Variants in RGS6 observed in about 807,000 individuals in gnomAD.
The protein encoded by RGS6 is regulator of G protein signaling 6.
RGS6 carries 30 observed loss-of-function variants against 78.5 expected under a neutral mutation model. The ratio of observed to expected loss-of-function variants is 0.38; its 90% CI spans 0.29 to 0.52. The LOEUF is 0.52. RGS6 is among the 20% of genes least tolerant of loss of function. RGS6 has a pLI of 0.85. For missense variants in RGS6, 495 were observed against 609.7 expected, an observed-to-expected ratio of 0.81 and a Z score of 1.98; for synonymous variants, 206 against 206.0, an observed-to-expected ratio of 1.00 and a Z score of 0.00.
At chr14:72,572,028 C>G in the RGS6 span, among the ~76,000 whole-genome samples, 1 of 152,130 alleles carries the variant, frequency 6.6e-6, no homozygotes, top group Non-Finnish European at 1.5e-5. Flanking sequence ...GGAAGCTACA[C>G]AAATAACCAA....
At chr14:72,300,981 G>T (rs78405428) in intron 2 of RGS6, among the ~76,000 whole-genome samples, 96 of 152,158 alleles carry the variant, frequency 6.3e-4, no homozygotes, top group Non-Finnish European at 1.3e-3. Context: ...GTTGTAGTTC[G>T]CAGAACTTTA....
At chr14:72,358,260 T>C (rs1383337194) in intron 3 of RGS6, among the ~76,000 whole-genome samples, 2 of 152,200 alleles carry the variant, frequency 1.3e-5, no homozygotes, top group East Asian at 3.9e-4. Context: ...AATGTGGGGT[T>C]GGAGTCCCCA....
At chr14:72,473,929 G>A (rs2096162772) in intron 9 of RGS6, 1 of 152,066 alleles carries the variant, frequency 6.6e-6, no homozygotes. Flanking sequence ...CTGTCCTTGG[G>A]GCCATTTTAA....
At chr14:72,023,870 G>A (rs1183716293) in intron 2 of RGS6, among the ~76,000 whole-genome samples, 1 of 152,170 alleles carries the variant, frequency 6.6e-6, no homozygotes, top group Non-Finnish European at 1.5e-5. Context: ...GTAAGGGAGG[G>A]GATTTCACAG....
chr14:72,367,247 A>C (rs895849483), intron 3 of RGS6, among the ~76,000 whole-genome samples: 3 of 152,216 alleles, frequency 2.0e-5, no homozygotes, highest in Non-Finnish European at 4.4e-5. Flanking sequence ...CTTGTTAAAA[A>C]TAGATTTCCA....
chr14:72,240,542 A>G lies in RGS6; in HGVS notation c.85-111553A>G, dbSNP rs988529066. Reference sequence around the variant, plus strand: ...TGCTGTTAATTAAGTTTGTAGCCCCATTATTAATTCTTGGCTCTACTATTA... The same window carrying G: ...TGCTGTTAATTAAGTTTGTAGCCCCGTTATTAATTCTTGGCTCTACTATTA... On this transcript the variant is annotated intron_variant, in intron 2 of 17. Transcript: ENST00000553525. Among the ~76,000 whole-genome samples, 22 of 152,324 alleles carry G rather than the reference A, an allele frequency of 1.4e-4. No homozygotes were observed. The South Asian group carries it at 1.5e-3, about 10-fold the overall frequency.
rs138883769 is a variant in RGS6, at chr14:72,485,017, C to T, written c.854+6688C>T. Among the ~76,000 whole-genome samples, 117 of 148,764 alleles carry T rather than the reference C, an allele frequency of 7.9e-4. 1 individual carries two copies. Among genetic ancestry groups the T allele is most frequent in the African/African-American group, 2.8e-3 (113 of 40,300 alleles). On this transcript the variant is annotated intron_variant, in intron 12 of 17. Transcript: ENST00000553525. Reference sequence around the variant, plus strand: ...AAATAGCCAGTTCCACATTTCCACTCAAGACCCAGTTCAAAGCCCACGACA... The same window carrying T: ...AAATAGCCAGTTCCACATTTCCACTTAAGACCCAGTTCAAAGCCCACGACA...
At chr14:72,272,796 A>G (rs957737626) in intron 2 of RGS6, among the ~76,000 whole-genome samples, 2 of 152,234 alleles carry the variant, frequency 1.3e-5, no homozygotes, top group African/African-American at 4.8e-5. Flanking sequence ...TTATGGCTCT[A>G]CAGTTGAAAT....
chr14:72,361,777 T>G (rs528344304), intron 3 of RGS6, among the ~76,000 whole-genome samples: 1 of 152,178 alleles, frequency 6.6e-6, no homozygotes, highest in South Asian at 2.1e-4. Context: ...ACTTTCACAA[T>G]AAGAGGTACA....
At chr14:72,371,590 C>G (rs1172759281) in intron 3 of RGS6, among the ~76,000 whole-genome samples, 1 of 152,052 alleles carries the variant, frequency 6.6e-6, no homozygotes, top group Non-Finnish European at 1.5e-5. Context: ...GGAGAAACCC[C>G]GTCTCTACTA....
chr14:72,192,173 G>T (rs2097334616), intron 2 of RGS6, among the ~76,000 whole-genome samples: 1 of 152,136 alleles, frequency 6.6e-6, no homozygotes, highest in Admixed American at 6.5e-5. Context: ...ATATGCTTCT[G>T]GTATAATTTC....
intron 15 of RGS6, among the ~76,000 whole-genome samples, chr14:72,525,857 A>G (rs1041722268): frequency 5.3e-5 from 8 of 152,156 alleles, no homozygotes; most frequent in Non-Finnish European, 1.2e-4. Flanking sequence ...GGGGTTGCTC[A>G]TTTTATCCTG....
chr14:71,976,410 C>G (rs10131877), intron 2 of RGS6, among the ~76,000 whole-genome samples: 2 of 120,946 alleles, frequency 1.7e-5, no homozygotes, highest in African/African-American at 3.3e-5. Context: ...ATCCCTCCCC[C>G]CTCCCCCCAC....
intron 2 of RGS6, among the ~76,000 whole-genome samples, chr14:72,172,007 T>A (rs2097027502): frequency 6.6e-6 from 1 of 152,124 alleles, no homozygotes; most frequent in Non-Finnish European, 1.5e-5. Flanking sequence ...GCCATGCCTC[T>A]TGGTCATTCC....
chr14:72,471,666 C>T (rs1484186071), intron 8 of RGS6, among the ~76,000 whole-genome samples: 1 of 152,148 alleles, frequency 6.6e-6, no homozygotes, highest in Non-Finnish European at 1.5e-5. Context: ...CTGTGAACCT[C>T]CCCCCACAGT....
At chr14:72,433,333 C>T (rs962444918) in intron 3 of RGS6, among the ~76,000 whole-genome samples, 8 of 146,124 alleles carry the variant, frequency 5.5e-5, no homozygotes, top group African/African-American at 5.0e-5. Flanking sequence ...TGGGGCCTGT[C>T]GGGGGTTGGG....
At chr14:72,445,706 A>T (rs946186220) in intron 3 of RGS6, among the ~76,000 whole-genome samples, 1 of 152,342 alleles carries the variant, frequency 6.6e-6, no homozygotes, top group Admixed American at 6.5e-5. Context: ...ATAAGCATTC[A>T]TTAGACCCCA....
intron 2 of RGS6, among the ~76,000 whole-genome samples, chr14:72,337,652 G>A (rs147194729): frequency 1.4e-4 from 21 of 152,300 alleles, no homozygotes; most frequent in African/African-American, 5.1e-4. Flanking sequence ...CCTAGGCCCT[G>A]CCTGACTATG....
intron 2 of RGS6, among the ~76,000 whole-genome samples, chr14:72,293,153 G>T (rs376644808): frequency 6.6e-6 from 1 of 152,084 alleles, no homozygotes; most frequent in Non-Finnish European, 1.5e-5. Context: ...AAAAATCTGC[G>T]TCCAGTTATA....
Sources: gnomAD v4.1 joint callset for allele counts (sites outside exome capture counted in the v4.1 genomes callset) on GRCh38, gnomAD v4.1.1 for gene constraint, MANE v1.5 for transcripts, NCBI Gene and HGNC (gene_info 2026-07-23, HGNC 2026-07-21) for gene names.